The following WDR90 variants were observed in gnomAD, a reference collection of about 807,000 sequenced individuals.
WDR90 encodes WD repeat domain 90.
A neutral mutation model predicts 195.2 loss-of-function variants in WDR90; 238 were observed. The ratio of observed to expected loss-of-function variants is 1.22; its 90% CI spans 1.10 to 1.36. The LOEUF (loss-of-function observed/expected upper bound fraction) is 1.36, where lower values mean the gene tolerates loss of function less well. Among genes scored for constraint, WDR90 ranks in the 40% most tolerant of loss-of-function variants. The pLI, the probability that WDR90 is intolerant of heterozygous loss-of-function variation, is 0.00. For synonymous variants in WDR90, 1,265 were observed against 1,052.4 expected (o/e 1.20, Z -3.91); for missense variants, 2,734 against 2,439.5 (o/e 1.12, Z -2.54).
At position 650,097 on chromosome 16, in the gene WDR90, G is replaced by A. The variant is rs750760528; in HGVS notation, c.209G>A (p.Arg70Gln). 2.5e-6 allele frequency: 4 copies of A among 1,612,958 alleles called. No individual in the cohort carries two copies. Among genetic ancestry groups the A allele is most frequent in the Admixed American group, 1.7e-5 (1 of 60,016 alleles). Residue 70 changes from arginine (R) to glutamine (Q), a missense_variant, in exon 3 of 41, where the codon CGA (arginine) becomes CAA (glutamine). By Grantham distance (43) the Arg-to-Gln change is conservative (BLOSUM62 1). Coordinates refer to ENST00000293879, the MANE Select transcript of WDR90 (RefSeq NM_145294.5). ...SSTQSLGLTG[R>Q]YLYVLFRPLP... ...ACCCAGTCTCTGGGGCTGACGGGACGATACCTGTATGTGCTCTTTCGGCCC... is the reference window on the plus strand; with the variant it reads ...ACCCAGTCTCTGGGGCTGACGGGACAATACCTGTATGTGCTCTTTCGGCCC...
intron 40 of WDR90, 36 bp downstream of exon 40, chr16:667,025 G>C: frequency 1.3e-6 from 2 of 1,559,168 alleles, no homozygotes; most frequent in South Asian, 2.3e-5. Flanking sequence ...GCCTGTCTTA[G>C]GTGGGGGCCA....
chr16:655,603 G>T lies in WDR90; in HGVS notation c.1749G>T (p.Leu583Phe). Residue 583 changes from leucine (L) to phenylalanine (F), a missense_variant, in exon 16 of 41, where the codon TTG (leucine) becomes TTT (phenylalanine). By Grantham distance (22) the Leu-to-Phe change is conservative. Transcript: ENST00000293879. ...TGTGCAGCCGCAGTGGCCACATCTT[G>T]GAGATTGACTGTCAGCGCATGGTCG... ...LFVCSRSGHI[L>F]EIDCQRMVVR... 6.2e-7 allele frequency: 1 copy of T among 1,606,336 alleles called. No individual in the cohort carries two copies.
At position 665,968 on chromosome 16, in the gene WDR90, T is replaced by C. The variant is rs1264595568; in HGVS notation, c.4453T>C (p.Trp1485Arg). Residue 1485 changes from tryptophan (W) to arginine (R), a missense_variant, in exon 36 of 41, where the codon TGG (tryptophan) becomes CGG (arginine). Trp to Arg is a moderately radical substitution (Grantham distance 101). Transcript: ENST00000293879. ...TCCCCAGAGCTGCCTCTGCCTGGCA[T>C]GGAGCCCCCCGTGCTGTGGCCGCCC... ...VLNQSCLCLA[W>R]SPPCCGRPEQ... The C allele has an allele frequency of 1.1e-5, 18 of 1,592,914 alleles. No individual in the cohort carries two copies. The highest frequency in any genetic ancestry group is 1.5e-5 in the Non-Finnish European group (18 of 1,171,972).
chr16:657,359 T>A, intron 20 of WDR90, 138 bp downstream of exon 20: 1 of 1,312,240 alleles, frequency 7.6e-7, no homozygotes, highest in Non-Finnish European at 1.0e-6. Flanking sequence ...GCCGCCTCAG[T>A]AACCTTGTCA....
At chr16:663,022 C>A in intron 34 of WDR90, 178 bp downstream of exon 34, 1 of 955,802 alleles carries the variant, frequency 1.0e-6, no homozygotes, top group Non-Finnish European at 1.6e-6. Context: ...CAAAGCCGTC[C>A]CGGTTGTGTC....
rs779309108 is a variant in WDR90, at chr16:650,623, G to A, written c.473G>A (p.Arg158Gln). ...GACGTTCTCCTGGTCTACCTGAACC[G>A]GTGCTACGGCCATCTCAAGAGCATC... ...LQDVLLVYLN[R>Q]CYGHLKSIRL... is the part of the protein sequence containing the mutation. Residue 158 changes from arginine (R) to glutamine (Q), a missense_variant, in exon 5 of 41, where the codon CGG becomes CAG. By Grantham distance (43) the Arg-to-Gln change is conservative (BLOSUM62 1). Transcript: ENST00000293879. 3.7e-6 allele frequency: 6 copies of A among 1,612,768 alleles called. No homozygotes were observed. The highest frequency in any genetic ancestry group is 2.2e-5 in the South Asian group (2 of 91,080).
At chr16:653,894 A>C (rs1244008469) in intron 13 of WDR90, 91 bp downstream of exon 13, 1 of 1,498,258 alleles carries the variant, frequency 6.7e-7, no homozygotes, top group Non-Finnish European at 9.1e-7. Context: ...CTCCAGCTTC[A>C]TGTGACCCTG....
Position 666,082 on chromosome 16 carries a change from C to G in WDR90, c.4567C>G (p.Pro1523Ala), listed in dbSNP as rs370214766. Residue 1523 changes from proline to alanine, a missense_variant, in exon 36 of 41, where the codon CCC becomes GCC. Pro to Ala is a conservative substitution (Grantham distance 27). Transcript: ENST00000293879. ...SRTAMELKMH[P>A]HPVALTTVAF... ...CACGGCCATGGAGCTCAAGATGCAC[C>G]CCCACCCGGTGGCGCTGACCACTGT... The G allele has an allele frequency of 9.3e-6, 15 of 1,609,886 alleles. No individual in the cohort carries two copies. The highest frequency in any genetic ancestry group is 1.3e-5 in the Non-Finnish European group (15 of 1,179,750).
In WDR90 at chr16:653,836, G is replaced by T. The variant is rs577612466; in HGVS notation, c.1437+33G>T. The T allele has an allele frequency of 1.6e-4, 254 of 1,611,820 alleles. 2 individuals carry two copies. In the South Asian group the frequency reaches 2.6e-3, roughly 17 times the overall value. ...GGCCCTGGCTGCGGGTTGGGGTGGG[G>T]CTGTCCTGATGCACGCAGACAGCTG... On this transcript the variant is annotated intron_variant, in intron 13 of 40. Transcript: ENST00000293879.
intron 26 of WDR90, among the ~76,000 whole-genome samples, chr16:659,671 G>T (rs758718232): frequency 4.6e-5 from 7 of 152,208 alleles, no homozygotes; most frequent in Non-Finnish European, 1.0e-4. Context: ...GACCCCGAGG[G>T]GCTTGGGCAG....
chr16:650,705 G>A lies in WDR90; in HGVS notation c.555G>A (p.Glu185=), dbSNP rs1163865812. The A allele has an allele frequency of 1.2e-6, 2 of 1,606,170 alleles. No homozygotes were observed. Among genetic ancestry groups the A allele is most frequent in the East Asian group, 2.2e-5 (1 of 44,598 alleles). The change falls in exon 5 of 41, where the codon GAG becomes GAA. Residue 185 remains glutamate (E), a synonymous_variant. Coordinates refer to ENST00000293879, the MANE Select transcript of WDR90 (RefSeq NM_145294.5). ...TGTACACCAGTGACCTGTGCTTTGA[G>A]CCTGGTGAGGGCCGCACCTGCACTC... ...RNLYTSDLCF[E]PAISGAQWAK... is the part of the protein sequence containing the mutation.
In WDR90 at chr16:666,397, G is replaced by A. The variant is rs371257144; in HGVS notation, c.4740+47G>A. 3 of 1,610,330 alleles carry A rather than the reference G, an allele frequency of 1.9e-6. No homozygotes were observed. The South Asian group carries it at 3.3e-5, about 18-fold the overall frequency. On this transcript the variant is annotated intron_variant, in intron 37 of 40. Coordinates refer to ENST00000293879, the MANE Select transcript of WDR90 (RefSeq NM_145294.5). ...GGGAGAGGGGGCCTGGGTGCTGGTG[G>A]GGGCAGGCACCATCTTGGCAGAAGG...
intron 17 of WDR90, 37 bp from the exon 18 acceptor site, chr16:656,265 G>A (rs1475604295): frequency 1.5e-5 from 24 of 1,575,658 alleles, no homozygotes; most frequent in Non-Finnish European, 2.0e-5. Flanking sequence ...TCACCCCGGG[G>A]TGGCCCTGGA....
chr16:657,501 C>T lies in WDR90; in HGVS notation c.2474-261C>T. 2.4e-5 allele frequency: 17 copies of T among 698,384 alleles called. No individual in the cohort carries two copies. The South Asian group carries it at 3.2e-4, about 13-fold the overall frequency. The allele number at this position is 698,384 out of a possible 1,614,324, so 43.3% of individuals were successfully genotyped here. A position where few individuals can be genotyped will look rare whatever the true frequency, so the allele number is the denominator to read the frequency against. On this transcript the variant is annotated intron_variant, in intron 20 of 40. Coordinates refer to ENST00000293879, the MANE Select transcript of WDR90 (RefSeq NM_145294.5). Reference sequence around the variant, plus strand: ...CTGGAGTCAGACCCAGGCATGGGCACCTGCCCTGTCCTGCGGCCACCATAA... The same window carrying T: ...CTGGAGTCAGACCCAGGCATGGGCATCTGCCCTGTCCTGCGGCCACCATAA...
intron 13 of WDR90, chr16:654,794 ACTT>A (rs2151208405): frequency 1.8e-6 from 1 of 563,102 alleles, no homozygotes; most frequent in African/African-American, 1.9e-5. Context: ...GGGGGTTTGT[ACTT>A]CTCTGCGAAT....
In WDR90 at chr16:661,661, C is replaced by A. The variant is rs1026769298; in HGVS notation, c.3738C>A (p.Thr1246=). The change falls in exon 31 of 41, where the codon ACC becomes ACA. Residue 1246 remains threonine, a synonymous_variant. Coordinates refer to ENST00000293879, the MANE Select transcript of WDR90 (RefSeq NM_145294.5). ...GTATYDLVSS[T]RLPEPVHGVA... The stretch of plus-strand genomic sequence containing the variant: ...CCACCTATGACCTCGTGTCCTCCAC[C>A]CGCCTCCCGGAGCCGGTGCATGGTG... 5.6e-6 allele frequency: 9 copies of A among 1,611,344 alleles called. No homozygotes were observed. Among genetic ancestry groups the A allele is most frequent in the Non-Finnish European group, 6.8e-6 (8 of 1,179,388 alleles).
intron 17 of WDR90, 127 bp from the exon 18 acceptor site, chr16:656,175 A>C (rs1297057062): frequency 2.1e-6 from 2 of 942,516 alleles, no homozygotes; most frequent in Non-Finnish European, 3.2e-6. Context: ...TGCATCTTGC[A>C]GCCGTGTGGA....
chr16:666,821 G>C, intron 39 of WDR90, 29 bp downstream of exon 39: 2 of 1,612,814 alleles, frequency 1.2e-6, no homozygotes, highest in Non-Finnish European at 1.7e-6. Flanking sequence ...GTGTCACTGG[G>C]AGCCCCAGGG....
intron 36 of WDR90, 34 bp from the exon 37 acceptor site, chr16:666,186 G>A: frequency 4.4e-6 from 7 of 1,606,848 alleles, no homozygotes; most frequent in Non-Finnish European, 6.0e-6. Context: ...CAGTCTCCGG[G>A]CTGGGGGCTC....
Sources: gnomAD v4.1 joint callset for allele counts (sites outside exome capture counted in the v4.1 genomes callset) on GRCh38, gnomAD v4.1.1 for gene constraint, MANE v1.5 for transcripts, NCBI Gene and HGNC (gene_info 2026-07-23, HGNC 2026-07-21) for gene names.